The following KCNQ5 variants were observed in gnomAD, a reference collection of about 807,000 sequenced individuals.
KCNQ5 encodes the protein potassium voltage-gated channel subfamily Q member 5, also known as potassium voltage-gated channel subfamily KQT member 5.
A neutral mutation model predicts 98.2 loss-of-function variants in KCNQ5; 30 were observed. The ratio of observed to expected loss-of-function variants is 0.31; its 90% CI spans 0.23 to 0.41. The LOEUF (loss-of-function observed/expected upper bound fraction) is 0.41, where lower values mean the gene tolerates loss of function less well. Among genes scored for constraint, KCNQ5 ranks in the 10% least tolerant of loss-of-function variants. The pLI, the probability that KCNQ5 is intolerant of heterozygous loss-of-function variation, is 1.00. For missense variants in KCNQ5, 835 were observed against 1,182.5 expected, an observed-to-expected ratio of 0.71 and a Z score of 4.31; for synonymous variants, 458 against 449.4, an observed-to-expected ratio of 1.02 and a Z score of -0.24.
At chr6:72,770,182 G>A (rs1772789467) in intron 1 of KCNQ5, among the ~76,000 whole-genome samples, 1 of 152,046 alleles carries the variant, frequency 6.6e-6, no homozygotes, top group Non-Finnish European at 1.5e-5. Context: ...AGAAAATGTT[G>A]GCAGTTATAT....
chr6:72,790,301 A>C (rs1024212572), intron 1 of KCNQ5, among the ~76,000 whole-genome samples: 1 of 152,250 alleles, frequency 6.6e-6, no homozygotes, highest in African/African-American at 2.4e-5. Flanking sequence ...CATATCCAAC[A>C]TCACTTGAGC....
intron 1 of KCNQ5, among the ~76,000 whole-genome samples, chr6:72,878,100 G>A (rs1457572846): frequency 5.3e-5 from 8 of 152,072 alleles, no homozygotes; most frequent in Admixed American, 1.3e-4. Flanking sequence ...GTGAAACCCC[G>A]TCTCTACTAA....
intron 5 of KCNQ5, among the ~76,000 whole-genome samples, chr6:73,088,892 C>G (rs1774109091): frequency 6.6e-6 from 1 of 152,130 alleles, no homozygotes; most frequent in Non-Finnish European, 1.5e-5. Flanking sequence ...TTTCTCTTTA[C>G]TCTCCACTCT....
At chr6:72,765,507 A>G (rs1772521943) in intron 1 of KCNQ5, among the ~76,000 whole-genome samples, 1 of 152,026 alleles carries the variant, frequency 6.6e-6, no homozygotes, top group South Asian at 2.1e-4. Context: ...AAATAAGCCA[A>G]CACTTTGAAG....
intron 1 of KCNQ5, among the ~76,000 whole-genome samples, chr6:72,853,883 A>T (rs1455852737): frequency 1.3e-5 from 2 of 152,230 alleles, no homozygotes; most frequent in African/African-American, 4.8e-5. Context: ...TCTTATAAAC[A>T]TTTAGAGAAA....
chr6:72,752,964 T>C (rs1771762507), intron 1 of KCNQ5, among the ~76,000 whole-genome samples: 1 of 152,128 alleles, frequency 6.6e-6, no homozygotes, highest in Non-Finnish European at 1.5e-5. Context: ...GTATACCCAT[T>C]GTCAATGTTT....
At chr6:72,722,873 C>T (rs1383537064) in intron 1 of KCNQ5, among the ~76,000 whole-genome samples, 1 of 115,464 alleles carries the variant, frequency 8.7e-6, no homozygotes, top group East Asian at 2.5e-4. Context: ...TTTTTTGAGA[C>T]ACGTCTCTTT....
chr6:72,889,178 C>T (rs1288241515), intron 1 of KCNQ5, among the ~76,000 whole-genome samples: 1 of 152,114 alleles, frequency 6.6e-6, no homozygotes, highest in Non-Finnish European at 1.5e-5. Flanking sequence ...AGGAAAAAAC[C>T]ATGCAAATAT....
At chr6:72,917,823 A>G (rs1582013680) in intron 1 of KCNQ5, among the ~76,000 whole-genome samples, 1 of 152,058 alleles carries the variant, frequency 6.6e-6, no homozygotes, top group East Asian at 1.9e-4. Context: ...GACATGCCCA[A>G]GAAGCCTGCC....
At chr6:73,016,386 C>G (rs1770348002) in intron 2 of KCNQ5, among the ~76,000 whole-genome samples, 2 of 152,068 alleles carry the variant, frequency 1.3e-5, no homozygotes, top group African/African-American at 4.8e-5. Context: ...GAAAATGAGG[C>G]ACCAGTTGAA....
chr6:73,190,358 G>A (rs1765547633), intron 11 of KCNQ5, among the ~76,000 whole-genome samples: 1 of 152,156 alleles, frequency 6.6e-6, no homozygotes, highest in South Asian at 2.1e-4. Flanking sequence ...CTTTTTTAGT[G>A]TGTTTTTCTA....
At chr6:73,057,653 AT>A (rs2150372022) in intron 3 of KCNQ5, among the ~76,000 whole-genome samples, 1 of 152,306 alleles carries the variant, frequency 6.6e-6, no homozygotes, top group East Asian at 1.9e-4. Flanking sequence ...GGAAGAAGCA[AT>A]ATTGTTAAAA....
At chr6:73,157,397 G>C (rs570322968) in intron 10 of KCNQ5, 2 of 582,170 alleles carry the variant, frequency 3.4e-6, no homozygotes, top group East Asian at 3.1e-5. Context: ...CACAATTTCT[G>C]GGGGGCAGCG....
chr6:73,126,310 T>C (rs1002927890), intron 9 of KCNQ5, among the ~76,000 whole-genome samples: 2 of 152,170 alleles, frequency 1.3e-5, no homozygotes, highest in Admixed American at 1.3e-4. Flanking sequence ...AAAGAGAAGT[T>C]TGTAAATGAC....
chr6:73,077,327 A>G lies in KCNQ5; in HGVS notation c.622A>G (p.Ile208Val). The G allele has an allele frequency of 6.2e-7, 1 of 1,613,848 alleles. No individual in the cohort carries two copies. Among genetic ancestry groups the G allele is most frequent in the Non-Finnish European group, 8.5e-7 (1 of 1,179,902 alleles). The change falls in exon 4 of 14, where the codon ATT becomes GTT. Residue 208 changes from isoleucine to valine, a missense_variant. Transcript: ENST00000370398. ...ARKPFCVIDT[I>V]VLIASIAVVS... The stretch of plus-strand genomic sequence containing the variant: ...TTTCGACCTGTTTCTTTCAGATACC[A>G]TTGTTCTTATCGCTTCAATAGCAGT...
chr6:72,787,355 A>G (rs987382609), intron 1 of KCNQ5, among the ~76,000 whole-genome samples: 1 of 152,226 alleles, frequency 6.6e-6, no homozygotes, highest in African/African-American at 2.4e-5. Flanking sequence ...AATAGTTACA[A>G]CAGAGACCAT....
intron 1 of KCNQ5, among the ~76,000 whole-genome samples, chr6:72,700,220 C>T (rs553185745): frequency 2.0e-5 from 3 of 152,206 alleles, no homozygotes; most frequent in South Asian, 2.1e-4. Flanking sequence ...GATACAAATT[C>T]GGTTCTGTTT....
chr6:73,188,061 T>C (rs1765447924), intron 11 of KCNQ5, among the ~76,000 whole-genome samples: 1 of 152,220 alleles, frequency 6.6e-6, no homozygotes, highest in Admixed American at 6.5e-5. Flanking sequence ...CACTGACGTA[T>C]GCTGTAGCTT....
intron 1 of KCNQ5, among the ~76,000 whole-genome samples, chr6:72,706,273 C>T (rs900862108): frequency 1.3e-5 from 2 of 151,696 alleles, no homozygotes; most frequent in Non-Finnish European, 2.9e-5. Flanking sequence ...AGTACAAATT[C>T]TGAAGTGGAA....
Sources: gnomAD v4.1 joint callset for allele counts (sites outside exome capture counted in the v4.1 genomes callset) on GRCh38, gnomAD v4.1.1 for gene constraint, MANE v1.5 for transcripts, NCBI Gene and HGNC (gene_info 2026-07-23, HGNC 2026-07-21) for gene names.